The following SNTG2 variants were observed in gnomAD, a reference collection of about 807,000 sequenced individuals.
SNTG2 encodes the protein syntrophin gamma 2.
In SNTG2, 74 loss-of-function variants were observed where a neutral mutation model predicts 70.9. The observed-to-expected ratio is 1.04, with a 90% confidence interval of 0.86 to 1.27. SNTG2 has a LOEUF of 1.27. Ranked by LOEUF, SNTG2 falls within the 50% of genes most tolerant of loss-of-function variation. SNTG2 has a pLI of 0.00. For missense variants in SNTG2, 717 were observed against 690.7 expected, an observed-to-expected ratio of 1.04 and a Z score of -0.43; for synonymous variants, 278 against 273.8, an observed-to-expected ratio of 1.02 and a Z score of -0.15.
Position 1,007,515 on chromosome 2 carries a change from G to A in SNTG2, c.72+56447G>A, listed in dbSNP as rs142237982. 2.5e-3 allele frequency among the ~76,000 whole-genome samples: 387 copies of A among 152,276 alleles called. 2 individuals are homozygous for A. The highest frequency in any genetic ancestry group is 4.5e-3 in the Non-Finnish European group (305 of 68,024). On this transcript the variant is annotated intron_variant, in intron 1 of 16. Transcript: ENST00000308624. ...AATTATATGTGTTACACATTGTTGT[G>A]AAGATTGAAGATGATGTCTTTAAAT...
At chr2:1,219,661 TC>T (rs1323334881) in intron 9 of SNTG2, among the ~76,000 whole-genome samples, 1 of 150,740 alleles carries the variant, frequency 6.6e-6, no homozygotes, top group East Asian at 2.0e-4. Flanking sequence ...CTTTTTTTTT[TC>T]TAAAACATAG....
chr2:1,095,732 C>T (rs1665347753), intron 2 of SNTG2, among the ~76,000 whole-genome samples: 1 of 152,160 alleles, frequency 6.6e-6, no homozygotes, highest in Non-Finnish European at 1.5e-5. Context: ...TGTATTTTCT[C>T]TCGTCTTGTA....
chr2:1,271,715 G>A (rs1190788559), intron 14 of SNTG2, among the ~76,000 whole-genome samples: 2 of 152,110 alleles, frequency 1.3e-5, no homozygotes, highest in Non-Finnish European at 2.9e-5. Flanking sequence ...GGTGTTCAGG[G>A]GAGGCAGAAA....
intron 16 of SNTG2, among the ~76,000 whole-genome samples, chr2:1,321,407 G>A (rs1457468442): frequency 6.6e-6 from 1 of 152,166 alleles, no homozygotes; most frequent in Non-Finnish European, 1.5e-5. Context: ...CCATCAATGA[G>A]TCAGCCGAGT....
chr2:1,064,291 G>A (rs752786173), intron 1 of SNTG2, among the ~76,000 whole-genome samples: 1 of 151,982 alleles, frequency 6.6e-6, no homozygotes, highest in Non-Finnish European at 1.5e-5. Context: ...GTTAAAAGAT[G>A]TACTTCAGAC....
intron 14 of SNTG2, among the ~76,000 whole-genome samples, chr2:1,292,037 C>T (rs1680013985): frequency 6.6e-6 from 1 of 152,132 alleles, no homozygotes; most frequent in South Asian, 2.1e-4. Flanking sequence ...TTTCAATGTA[C>T]AAGTCTTTTT....
At chr2:1,247,737 T>C (rs1191725848) in intron 12 of SNTG2, among the ~76,000 whole-genome samples, 1 of 152,190 alleles carries the variant, frequency 6.6e-6, no homozygotes, top group Admixed American at 6.5e-5. Flanking sequence ...CTCTGTGTCT[T>C]AGAGGATCAA....
At chr2:1,244,695 CAA>C (rs558051455) in intron 11 of SNTG2, among the ~76,000 whole-genome samples, 9 of 88,620 alleles carry the variant, frequency 1.0e-4, no homozygotes, top group Non-Finnish European at 1.8e-4. Context: ...GACTCCATCT[CAA>C]AAAAAAAAAA....
intron 6 of SNTG2, among the ~76,000 whole-genome samples, chr2:1,146,293 A>G (rs1669095833): frequency 1.3e-5 from 2 of 152,220 alleles, no homozygotes; most frequent in South Asian, 4.1e-4. Flanking sequence ...AAAGCACAAT[A>G]CCATTTACAT....
chr2:1,073,636 G>T (rs900506334), intron 1 of SNTG2, among the ~76,000 whole-genome samples: 2 of 152,158 alleles, frequency 1.3e-5, no homozygotes, highest in African/African-American at 2.4e-5. Context: ...GAGGTTGCTT[G>T]TTCTTCTTTC....
At chr2:1,311,529 T>G (rs1680989820) in intron 15 of SNTG2, among the ~76,000 whole-genome samples, 2 of 152,240 alleles carry the variant, frequency 1.3e-5, no homozygotes, top group Admixed American at 1.3e-4. Context: ...TTCCTTTATT[T>G]GGCATCTTGT....
chr2:1,118,995 A>G (rs1414112193), intron 4 of SNTG2, among the ~76,000 whole-genome samples: 1 of 152,210 alleles, frequency 6.6e-6, no homozygotes, highest in African/African-American at 2.4e-5. Context: ...GTCAAAAGTC[A>G]AAGGCAAAAA....
intron 14 of SNTG2, among the ~76,000 whole-genome samples, chr2:1,295,101 C>T (rs1189317287): frequency 6.6e-6 from 1 of 152,168 alleles, no homozygotes; most frequent in Non-Finnish European, 1.5e-5. Context: ...ACTGAGTGGG[C>T]AGTGTCAGAG....
intron 7 of SNTG2, among the ~76,000 whole-genome samples, chr2:1,169,539 G>A (rs756677985): frequency 2.6e-5 from 4 of 152,230 alleles, no homozygotes; most frequent in Non-Finnish European, 5.9e-5. Context: ...CACTGAGCCT[G>A]TGTTTCCCTC....
chr2:1,156,676 AGGACGAGGGAC>A, intron 6 of SNTG2, among the ~76,000 whole-genome samples: 1 of 152,268 alleles, frequency 6.6e-6, no homozygotes, highest in East Asian at 1.9e-4. Flanking sequence ...TGAGGGCAGA[AGGACGAGGGAC>A]CAGGGGTTCG....
At chr2:1,056,963 AGGG>A (rs1662495342) in intron 1 of SNTG2, among the ~76,000 whole-genome samples, 1 of 69,042 alleles carries the variant, frequency 1.4e-5, no homozygotes. Context: ...GTGGGGAGGG[AGGG>A]AGGGAGAGCG....
rs1242507396 is a variant in SNTG2, at chr2:1,095,376, A to C, written c.211-2820A>C. On this transcript the variant is annotated intron_variant, in intron 2 of 16. Transcript: ENST00000308624. The stretch of plus-strand genomic sequence containing the variant: ...CTAAATACCTAAATGGCTAGTACAA[A>C]TGTACACAGAAAGGAACATTTCAAG... Among the ~76,000 whole-genome samples the C allele has an allele frequency of 2.0e-5, 3 of 152,238 alleles. No homozygotes were observed. The East Asian group carries it at 5.8e-4, about 29-fold the overall frequency.
At chr2:1,212,351 A>T (rs1240530138) in intron 9 of SNTG2, among the ~76,000 whole-genome samples, 1 of 152,128 alleles carries the variant, frequency 6.6e-6, no homozygotes, top group Non-Finnish European at 1.5e-5. Flanking sequence ...AAGTTTCCTG[A>T]GGCTTTCCTA....
chr2:1,278,532 T>TA (rs1679364559), intron 14 of SNTG2, among the ~76,000 whole-genome samples: 1 of 152,222 alleles, frequency 6.6e-6, no homozygotes, highest in Admixed American at 6.5e-5. Context: ...TTCTTTTATT[T>TA]AAAAAAATTT....
Sources: gnomAD v4.1 joint callset for allele counts (sites outside exome capture counted in the v4.1 genomes callset) on GRCh38, gnomAD v4.1.1 for gene constraint, MANE v1.5 for transcripts, NCBI Gene and HGNC (gene_info 2026-07-23, HGNC 2026-07-21) for gene names.